AGBL1: variants seen among roughly 807,000 people sequenced by gnomAD.
The protein encoded by AGBL1 is cytosolic carboxypeptidase 4.
A neutral mutation model predicts 118.9 loss-of-function variants in AGBL1; 130 were observed. That is an observed-to-expected ratio of 1.09 (90% CI 0.95 to 1.26). The LOEUF (loss-of-function observed/expected upper bound fraction) is 1.26, where lower values mean the gene tolerates loss of function less well. AGBL1 is among the 50% of genes most tolerant of loss of function. The pLI is 0.00. For missense variants in AGBL1, 1,584 were observed against 1,298.1 expected (o/e 1.22, Z -3.38); for synonymous variants, 555 against 478.9 (o/e 1.16, Z -2.08).
intron 18 of AGBL1, among the ~76,000 whole-genome samples, chr15:86,430,866 T>C: frequency 6.6e-6 from 1 of 152,254 alleles, no homozygotes; most frequent in East Asian, 1.9e-4. Context: ...AAACTGGTTG[T>C]TTACTATGTA....
chr15:86,505,299 C>T (rs76652971), intron 18 of AGBL1, among the ~76,000 whole-genome samples: 5,190 of 146,688 alleles, frequency 0.035, 136 homozygotes, highest in East Asian at 0.089. Flanking sequence ...ATGTTTTTCA[C>T]TAAGTTTAGG....
chr15:86,592,836 C>T (rs923398659), intron 21 of AGBL1, among the ~76,000 whole-genome samples: 2 of 152,174 alleles, frequency 1.3e-5, no homozygotes, highest in African/African-American at 4.8e-5. Context: ...CAGTATAACA[C>T]ATGCCAGACC....
intron 17 of AGBL1, among the ~76,000 whole-genome samples, chr15:86,349,831 C>A (rs1428424309): frequency 6.6e-6 from 1 of 152,162 alleles, no homozygotes; most frequent in African/African-American, 2.4e-5. Flanking sequence ...TTGGAAAGAG[C>A]TCTGGAAGGA....
chr15:86,771,022 C>T (rs918989928), intron 22 of AGBL1, among the ~76,000 whole-genome samples: 1 of 151,988 alleles, frequency 6.6e-6, no homozygotes, highest in African/African-American at 2.4e-5. Context: ...TAAAGGCATC[C>T]AATGTGTGGT....
At chr15:86,472,693 T>A (rs560331372) in intron 18 of AGBL1, among the ~76,000 whole-genome samples, 1 of 152,272 alleles carries the variant, frequency 6.6e-6, no homozygotes, top group East Asian at 1.9e-4. Context: ...CTGAGATGGG[T>A]GGATCACCTG....
intron 24 of AGBL1, among the ~76,000 whole-genome samples, chr15:87,015,627 GA>G: frequency 6.6e-6 from 1 of 152,282 alleles, no homozygotes; most frequent in East Asian, 1.9e-4. Context: ...GAGGGAAACA[GA>G]TGTGCATAAA....
rs540963179 is a variant in AGBL1, at chr15:86,311,585, G to A, written c.2374+16177G>A. 7.2e-5 allele frequency among the ~76,000 whole-genome samples: 11 copies of A among 152,140 alleles called. No individual in the cohort carries two copies. In the South Asian group the frequency reaches 2.3e-3, roughly 32 times the overall value. On this transcript the variant is annotated intron_variant, in intron 17 of 22. Coordinates refer to ENST00000614907, the MANE Select transcript of AGBL1 (RefSeq NM_001386094.1). ...AATTAAGATTCCAACCAAAACCCGG[G>A]TTTTCTCCGGGGCTTCCTATTTTTT...
chr15:86,816,370 T>A (rs999029488), intron 22 of AGBL1, among the ~76,000 whole-genome samples: 6 of 152,150 alleles, frequency 3.9e-5, no homozygotes, highest in Non-Finnish European at 8.8e-5. Flanking sequence ...AAAGACACAT[T>A]TGCACCCGGC....
intron 5 of AGBL1, among the ~76,000 whole-genome samples, chr15:86,201,477 A>G (rs1004066217): frequency 1.3e-5 from 2 of 152,226 alleles, no homozygotes; most frequent in Non-Finnish European, 2.9e-5. Context: ...GCTATCTTGA[A>G]TAGAAAATGC....
At chr15:86,273,247 G>A (rs573025500) in intron 15 of AGBL1, among the ~76,000 whole-genome samples, 1 of 152,286 alleles carries the variant, frequency 6.6e-6, no homozygotes, top group East Asian at 1.9e-4. Flanking sequence ...CAAAAGCACA[G>A]CCTTGACCTA....
chr15:86,721,144 T>C (rs928641516), intron 22 of AGBL1, among the ~76,000 whole-genome samples: 3 of 152,194 alleles, frequency 2.0e-5, no homozygotes, highest in Non-Finnish European at 4.4e-5. Flanking sequence ...CCCTAACTCA[T>C]TTAATGAGGC....
intron 17 of AGBL1, among the ~76,000 whole-genome samples, chr15:86,394,871 C>T (rs189609675): frequency 6.6e-6 from 1 of 152,286 alleles, no homozygotes; most frequent in Non-Finnish European, 1.5e-5. Flanking sequence ...CTGGACACAA[C>T]TGTGTCACAT....
At chr15:86,901,674 C>A (rs2141581779) in intron 22 of AGBL1, among the ~76,000 whole-genome samples, 1 of 152,148 alleles carries the variant, frequency 6.6e-6, no homozygotes, top group Admixed American at 6.5e-5. Context: ...AGTTACATTT[C>A]AAACAATTTC....
At chr15:86,210,259 A>C (rs2078069440) in intron 5 of AGBL1, among the ~76,000 whole-genome samples, 1 of 151,892 alleles carries the variant, frequency 6.6e-6, no homozygotes, top group Non-Finnish European at 1.5e-5. Flanking sequence ...TTTTTCCTTC[A>C]TTTTAACCTT....
intron 17 of AGBL1, among the ~76,000 whole-genome samples, chr15:86,327,619 G>T (rs574060623): frequency 6.6e-6 from 1 of 152,332 alleles, no homozygotes; most frequent in South Asian, 2.1e-4. Flanking sequence ...TGTTTTCATT[G>T]AGGTGTCAGC....
chr15:86,611,323 T>C (rs905470509), intron 21 of AGBL1, among the ~76,000 whole-genome samples: 8 of 152,244 alleles, frequency 5.3e-5, no homozygotes, highest in African/African-American at 1.9e-4. Context: ...ATATTTGCGA[T>C]GTGCAGCCAT....
At chr15:86,263,809 A>G (rs901474987) in intron 10 of AGBL1, among the ~76,000 whole-genome samples, 1 of 152,212 alleles carries the variant, frequency 6.6e-6, no homozygotes, top group African/African-American at 2.4e-5. Context: ...GTATAAGCTA[A>G]GTCATGTGTA....
At chr15:86,554,852 A>G (rs1322285912) in intron 21 of AGBL1, among the ~76,000 whole-genome samples, 5 of 152,148 alleles carry the variant, frequency 3.3e-5, no homozygotes, top group Non-Finnish European at 7.4e-5. Context: ...CTCTGTTGTT[A>G]TATGCATAAA....
At chr15:86,451,294 G>A (rs2082189430) in intron 18 of AGBL1, among the ~76,000 whole-genome samples, 1 of 152,140 alleles carries the variant, frequency 6.6e-6, no homozygotes, top group African/African-American at 2.4e-5. Context: ...GAGTGTAAAT[G>A]AAGGCAGAGG....
Sources: gnomAD v4.1 joint callset for allele counts (sites outside exome capture counted in the v4.1 genomes callset) on GRCh38, gnomAD v4.1.1 for gene constraint, MANE v1.5 for transcripts, NCBI Gene and HGNC (gene_info 2026-07-23, HGNC 2026-07-21) for gene names.